The following ADAMTS19 variants were observed in gnomAD, a reference collection of about 807,000 sequenced individuals.
ADAMTS19 encodes ADAM metallopeptidase with thrombospondin type 1 motif 19.
ADAMTS19 carries 93 observed loss-of-function variants against 153.3 expected under a neutral mutation model. The observed-to-expected ratio is 0.61, with a 90% CI of 0.51 to 0.72. The LOEUF is 0.72. Among genes scored for constraint, ADAMTS19 ranks in the 30% least tolerant of loss-of-function variants. ADAMTS19 has a pLI of 0.00. For missense variants in ADAMTS19, 1,482 were observed against 1,552.1 expected (o/e 0.95, Z 0.76); for synonymous variants, 600 against 556.6 (o/e 1.08, Z -1.10).
intron 2 of ADAMTS19, among the ~76,000 whole-genome samples, chr5:129,497,784 T>C (rs1750973228): frequency 6.6e-6 from 1 of 152,062 alleles, no homozygotes; most frequent in Non-Finnish European, 1.5e-5. Flanking sequence ...TTTTTCCACA[T>C]CCTTAGTCCA....
intron 7 of ADAMTS19, among the ~76,000 whole-genome samples, chr5:129,565,212 G>A (rs765179617): frequency 6.6e-6 from 1 of 152,056 alleles, no homozygotes; most frequent in Non-Finnish European, 1.5e-5. Context: ...ATAAACCTAT[G>A]AGCATTTGCT....
chr5:129,633,249 G>A (rs767745912), intron 10 of ADAMTS19, among the ~76,000 whole-genome samples: 1 of 151,878 alleles, frequency 6.6e-6, no homozygotes. Context: ...TTTCTCTTGA[G>A]ATATCTTTTC....
At chr5:129,669,781 A>G (rs948635972) in intron 16 of ADAMTS19, among the ~76,000 whole-genome samples, 4 of 151,430 alleles carry the variant, frequency 2.6e-5, no homozygotes, top group Non-Finnish European at 4.4e-5. Flanking sequence ...TTGAGTTTTC[A>G]TTTGTCTCCA....
chr5:129,547,019 T>A (rs933828903), intron 6 of ADAMTS19, among the ~76,000 whole-genome samples: 4 of 150,972 alleles, frequency 2.6e-5, no homozygotes, highest in Non-Finnish European at 5.9e-5. Flanking sequence ...GCAGGAAAAG[T>A]AACATCCCCT....
At chr5:129,515,291 A>G (rs995426438) in intron 3 of ADAMTS19, among the ~76,000 whole-genome samples, 1 of 151,480 alleles carries the variant, frequency 6.6e-6, no homozygotes, top group Non-Finnish European at 1.5e-5. Context: ...GTGATTCCAT[A>G]TAAGTTTTAG....
intron 6 of ADAMTS19, among the ~76,000 whole-genome samples, chr5:129,544,995 G>A (rs1254199670): frequency 2.0e-5 from 3 of 151,888 alleles, no homozygotes; most frequent in African/African-American, 2.4e-5. Flanking sequence ...TACACCATGA[G>A]GCAACCACAC....
chr5:129,622,405 G>A (rs1751821032), intron 10 of ADAMTS19, 57 bp downstream of exon 10: 6 of 1,575,280 alleles, frequency 3.8e-6, no homozygotes, highest in Non-Finnish European at 5.2e-6. Context: ...GTATTGATTG[G>A]TAGGAGAAGG....
At chr5:129,565,571 A>G (rs916067017) in intron 7 of ADAMTS19, among the ~76,000 whole-genome samples, 3 of 152,162 alleles carry the variant, frequency 2.0e-5, no homozygotes, top group African/African-American at 7.2e-5. Flanking sequence ...TAGGTGCTAG[A>G]TGCTAGAAAT....
intron 2 of ADAMTS19, among the ~76,000 whole-genome samples, chr5:129,486,613 A>T (rs1750599810): frequency 6.6e-6 from 1 of 152,056 alleles, no homozygotes; most frequent in Non-Finnish European, 1.5e-5. Context: ...TTTACAAAAA[A>T]CCCATGGTTA....
intron 10 of ADAMTS19, among the ~76,000 whole-genome samples, chr5:129,624,754 G>A (rs1463909939): frequency 6.6e-6 from 1 of 152,068 alleles, no homozygotes; most frequent in Non-Finnish European, 1.5e-5. Flanking sequence ...AATTTTGCTA[G>A]TGCCATTCTA....
At chr5:129,465,151 T>G (rs995381243) in intron 2 of ADAMTS19, among the ~76,000 whole-genome samples, 3 of 152,198 alleles carry the variant, frequency 2.0e-5, no homozygotes, top group African/African-American at 7.2e-5. Context: ...TACTTTTTAG[T>G]TGGCACTCAA....
chr5:129,587,733 C>T (rs550825328), intron 7 of ADAMTS19, among the ~76,000 whole-genome samples: 4 of 152,246 alleles, frequency 2.6e-5, no homozygotes, highest in Admixed American at 6.5e-5. Flanking sequence ...TTTGTTACTC[C>T]GGCTTGTGCT....
At chr5:129,689,402 A>C (rs1221513451) in intron 18 of ADAMTS19, among the ~76,000 whole-genome samples, 3 of 152,084 alleles carry the variant, frequency 2.0e-5, no homozygotes, top group Non-Finnish European at 4.4e-5. Flanking sequence ...GAACATCTAT[A>C]AGGGTGTGAT....
intron 16 of ADAMTS19, among the ~76,000 whole-genome samples, chr5:129,677,476 C>CA (rs34211136): frequency 0.12 from 15,632 of 135,544 alleles, 834 homozygotes; most frequent in Middle Eastern, 0.18. Flanking sequence ...GACTCCGTCT[C>CA]AAAAAAAAAA....
intron 10 of ADAMTS19, among the ~76,000 whole-genome samples, chr5:129,622,662 A>G (rs1429882209): frequency 6.6e-6 from 1 of 152,104 alleles, no homozygotes; most frequent in Non-Finnish European, 1.5e-5. Context: ...TTTTCTCTCC[A>G]TTATCTGCAG....
intron 2 of ADAMTS19, among the ~76,000 whole-genome samples, chr5:129,492,167 G>A (rs1415119680): frequency 6.6e-6 from 1 of 152,184 alleles, no homozygotes; most frequent in Non-Finnish European, 1.5e-5. Flanking sequence ...CATGGCGAAA[G>A]CAGGAGCAAG....
chr5:129,727,267 A>C (rs1757245686), intron 21 of ADAMTS19, among the ~76,000 whole-genome samples: 1 of 152,182 alleles, frequency 6.6e-6, no homozygotes, highest in African/African-American at 2.4e-5. Flanking sequence ...ACAGTCTGGC[A>C]AAAATTATTA....
intron 2 of ADAMTS19, among the ~76,000 whole-genome samples, chr5:129,481,923 T>C (rs934299182): frequency 2.0e-5 from 3 of 152,130 alleles, no homozygotes; most frequent in Admixed American, 6.6e-5. Flanking sequence ...TGAATCAAGA[T>C]TTCTATCCAA....
chr5:129,658,351 A>AAGAAAGAAAGAAAGAGAGAGAGAG (rs1753670638), intron 14 of ADAMTS19, among the ~76,000 whole-genome samples: 8 of 133,124 alleles, frequency 6.0e-5, no homozygotes, highest in South Asian at 2.4e-4. Context: ...GAAAGAAAGA[A>AAGAAAGAAAGAAAGAGAGAGAGAG]AGAAAGAAAG....
Sources: allele counts gnomAD v4.1 joint callset (sites outside exome capture counted in the v4.1 genomes callset), GRCh38; gene constraint gnomAD v4.1.1; transcripts MANE v1.5; gene names NCBI Gene and HGNC (gene_info 2026-07-23, HGNC 2026-07-21).